Variants in ENPP1 observed in about 807,000 individuals in gnomAD.
ENPP1 encodes ectonucleotide pyrophosphatase/phosphodiesterase 1.
Under a neutral mutation model 122.8 loss-of-function variants are expected in ENPP1, and 73 were observed. The observed-to-expected ratio is 0.59, with a 90% CI of 0.49 to 0.72. The LOEUF is 0.72. ENPP1 is among the 30% of genes least tolerant of loss of function. The pLI is 0.00. For missense variants in ENPP1, 978 were observed against 1,128.1 expected, an observed-to-expected ratio of 0.87 and a Z score of 1.91; for synonymous variants, 367 against 391.6, an observed-to-expected ratio of 0.94 and a Z score of 0.74.
At chr6:131,819,511 T>C (rs1232314719) in intron 1 of ENPP1, among the ~76,000 whole-genome samples, 1 of 152,226 alleles carries the variant, frequency 6.6e-6, no homozygotes, top group African/African-American at 2.4e-5. Flanking sequence ...TAAAGATGAG[T>C]TCATTTTGCA....
intron 1 of ENPP1, among the ~76,000 whole-genome samples, chr6:131,844,630 T>C (rs1180144610): frequency 1.3e-5 from 2 of 152,080 alleles, no homozygotes; most frequent in African/African-American, 4.8e-5. Flanking sequence ...GGAAGTGAAA[T>C]TGAAGTCAAA....
intron 1 of ENPP1, among the ~76,000 whole-genome samples, chr6:131,818,849 AT>A (rs573254660): frequency 1.8e-3 from 280 of 152,250 alleles, no homozygotes; most frequent in Non-Finnish European, 3.5e-3. Flanking sequence ...AAAGAACACC[AT>A]TTTTATTTGA....
intron 1 of ENPP1, among the ~76,000 whole-genome samples, chr6:131,832,810 C>G (rs1318217841): frequency 1.3e-5 from 2 of 152,160 alleles, no homozygotes; most frequent in Non-Finnish European, 2.9e-5. Context: ...GGTTGGGATT[C>G]CTCATAGCAT....
At chr6:131,847,706 T>C in intron 1 of ENPP1, 70 bp from the exon 2 acceptor site, 2 of 1,156,094 alleles carry the variant, frequency 1.7e-6, no homozygotes, top group Non-Finnish European at 2.5e-6. Flanking sequence ...ACACTATCTC[T>C]AAAAATAAAA....
intron 7 of ENPP1, among the ~76,000 whole-genome samples, chr6:131,859,969 T>C (rs1333451558): frequency 6.6e-6 from 1 of 152,148 alleles, no homozygotes; most frequent in Non-Finnish European, 1.5e-5. Flanking sequence ...CCATATAGCC[T>C]CCATGGAATG....
At chr6:131,871,147 C>T (rs1782157361) in intron 13 of ENPP1, among the ~76,000 whole-genome samples, 1 of 151,854 alleles carries the variant, frequency 6.6e-6, no homozygotes, top group South Asian at 2.1e-4. Flanking sequence ...TGTACCATAC[C>T]CTTATCTTAG....
rs757629282 is a variant in ENPP1 at position 131,890,450 on chromosome 6, A to G, written c.2717A>G (p.Glu906Gly). 2 of 1,614,016 alleles carry G rather than the reference A, an allele frequency of 1.2e-6. No homozygotes were observed. Among genetic ancestry groups the G allele is most frequent in the Non-Finnish European group, 1.7e-6 (2 of 1,179,826 alleles). ...TGLSFYQQRKEPVSDILKLKT... is the reference protein window; with the variant it reads ...TGLSFYQQRKGPVSDILKLKT... ...CTCAGCTTCTATCAACAAAGAAAAG[A>G]GCCAGTTTCAGACATTTTAAAGTTG... The change falls in exon 25 of 25, where the codon GAG (glutamate) becomes GGG (glycine). Residue 906 changes from glutamate to glycine, a missense_variant. Glu to Gly is a moderately conservative substitution (Grantham distance 98). This residue lies in a region of ENPP1 where 644 missense variants were observed against 781.5 expected (regional missense o/e 0.82). Coordinates refer to ENST00000647893, the MANE Select transcript of ENPP1 (RefSeq NM_006208.3).
At chr6:131,885,605 T>C (rs563171287) in intron 23 of ENPP1, among the ~76,000 whole-genome samples, 40 of 152,134 alleles carry the variant, frequency 2.6e-4, no homozygotes, top group Non-Finnish European at 5.3e-4. Flanking sequence ...TCTTGGAAAC[T>C]GGTTGATCTT....
intron 14 of ENPP1, among the ~76,000 whole-genome samples, chr6:131,872,702 G>A (rs1204605297): frequency 1.3e-5 from 2 of 151,882 alleles, no homozygotes; most frequent in Non-Finnish European, 2.9e-5. Context: ...TATATAAGTG[G>A]TTTATTTAGC....
chr6:131,818,102 T>C (rs1781438978), intron 1 of ENPP1, among the ~76,000 whole-genome samples: 1 of 152,136 alleles, frequency 6.6e-6, no homozygotes, highest in Non-Finnish European at 1.5e-5. Context: ...TTAGCAAGCA[T>C]CTGGGGGATC....
intron 23 of ENPP1, among the ~76,000 whole-genome samples, chr6:131,885,264 TAAA>T (rs897417329): frequency 6.6e-6 from 1 of 152,190 alleles, no homozygotes; most frequent in Non-Finnish European, 1.5e-5. Context: ...TATTTTTAGG[TAAA>T]AAAGTAGTGT....
intron 17 of ENPP1, among the ~76,000 whole-genome samples, chr6:131,876,169 C>T (rs1020475039): frequency 1.3e-5 from 2 of 152,092 alleles, no homozygotes; most frequent in Admixed American, 1.3e-4. Flanking sequence ...TGACTCAGAG[C>T]AGTGATAGAA....
rs797005749 is a variant in ENPP1 at position 131,822,571 on chromosome 6, C to T, written c.240+14296C>T. On this transcript the variant is annotated intron_variant, in intron 1 of 24. Transcript: ENST00000647893. ...CCCCTCCAGGACTTTTCTATGTGTACATATCACTTTTAAAAAAAAAAAAAC... is the reference window on the plus strand; with the variant it reads ...CCCCTCCAGGACTTTTCTATGTGTATATATCACTTTTAAAAAAAAAAAAAC... Among the ~76,000 whole-genome samples the T allele has an allele frequency of 4.7e-5, 7 of 150,350 alleles. No homozygotes were observed. In the South Asian group the frequency reaches 6.3e-4, roughly 14 times the overall value.
intron 1 of ENPP1, among the ~76,000 whole-genome samples, chr6:131,841,125 T>A (rs566562276): frequency 1.3e-5 from 2 of 152,196 alleles, no homozygotes; most frequent in African/African-American, 4.8e-5. Flanking sequence ...ACTTAGGAAC[T>A]TTTTTTAGAA....
chr6:131,836,529 T>TA (rs1278739684), intron 1 of ENPP1, among the ~76,000 whole-genome samples: 1 of 152,164 alleles, frequency 6.6e-6, no homozygotes, highest in Non-Finnish European at 1.5e-5. Flanking sequence ...TCCACTTAGA[T>TA]AAAATCTATT....
intron 1 of ENPP1, 66 bp from the exon 2 acceptor site, chr6:131,847,710 A>G: frequency 8.5e-7 from 1 of 1,177,536 alleles, no homozygotes; most frequent in Non-Finnish European, 1.2e-6. Flanking sequence ...TATCTCTAAA[A>G]ATAAAAAATA....
At chr6:131,854,552 T>G (rs375041411) in intron 5 of ENPP1, among the ~76,000 whole-genome samples, 8 of 152,334 alleles carry the variant, frequency 5.3e-5, no homozygotes, top group Admixed American at 2.6e-4. Context: ...TATATGCTGT[T>G]GTTTTTTATT....
intron 12 of ENPP1, among the ~76,000 whole-genome samples, chr6:131,868,942 A>G (rs375323301): frequency 2.6e-5 from 4 of 152,314 alleles, no homozygotes; most frequent in Admixed American, 6.5e-5. Context: ...AATTATAGAA[A>G]TCTGTGTTTA....
rs562794341 is a variant in ENPP1, at chr6:131,857,467, G to A, written c.716-1201G>A. ...CATATACACCATGGAATCCTATGCA[G>A]CCATAAAAAATGATGAGTTCATGTC... On this transcript the variant is annotated intron_variant, in intron 6 of 24. Transcript: ENST00000647893. 9.9e-5 allele frequency among the ~76,000 whole-genome samples: 15 copies of A among 151,082 alleles called. No individual in the cohort carries two copies. The East Asian group carries it at 1.6e-3, about 16-fold the overall frequency.
Sources: allele counts gnomAD v4.1 joint callset (sites outside exome capture counted in the v4.1 genomes callset), GRCh38; gene constraint gnomAD v4.1.1; regional missense constraint gnomAD v4.1.1; transcripts MANE v1.5; gene names NCBI Gene and HGNC (gene_info 2026-07-23, HGNC 2026-07-21).